GMDS: variants seen among roughly 807,000 people sequenced by gnomAD.
The protein encoded by GMDS is GDP-mannose 4,6-dehydratase, also known as GDP-mannose 4,6 dehydratase.
A neutral mutation model predicts 49.9 loss-of-function variants in GMDS; 20 were observed. The observed-to-expected ratio is 0.40, with a 90% confidence interval of 0.28 to 0.58. The LOEUF (loss-of-function observed/expected upper bound fraction) is 0.58. GMDS is among the 20% of genes least tolerant of loss of function. The pLI is 0.42. For synonymous variants in GMDS, 177 were observed against 178.6 expected (o/e 0.99, Z 0.07); for missense variants, 362 against 481.4 (o/e 0.75, Z 2.32).
intron 9 of GMDS, among the ~76,000 whole-genome samples, chr6:1,669,341 C>T (rs1764340306): frequency 6.6e-6 from 1 of 152,108 alleles, no homozygotes; most frequent in Non-Finnish European, 1.5e-5. Context: ...CTCCACTACT[C>T]TGAGTCTACA....
chr6:1,643,856 A>G (rs1763408760), intron 9 of GMDS, among the ~76,000 whole-genome samples: 3 of 152,040 alleles, frequency 2.0e-5, no homozygotes, highest in Non-Finnish European at 4.4e-5. Flanking sequence ...GTCTCTTCCC[A>G]GCTCCCCTCC....
At chr6:1,882,707 A>C (rs950129876) in intron 7 of GMDS, among the ~76,000 whole-genome samples, 1 of 152,240 alleles carries the variant, frequency 6.6e-6, no homozygotes, top group Non-Finnish European at 1.5e-5. Flanking sequence ...TGATTATCTA[A>C]TAAGCACTAA....
At chr6:1,657,175 T>G (rs977951158) in intron 9 of GMDS, among the ~76,000 whole-genome samples, 5 of 152,324 alleles carry the variant, frequency 3.3e-5, no homozygotes, top group Admixed American at 2.0e-4. Context: ...TTGATGCCAC[T>G]AGACTACTGA....
At chr6:1,943,303 T>G (rs1198765785) in intron 6 of GMDS, among the ~76,000 whole-genome samples, 1 of 152,196 alleles carries the variant, frequency 6.6e-6, no homozygotes, top group Non-Finnish European at 1.5e-5. Flanking sequence ...CCTCCCCTGG[T>G]GGGGGCTGTC....
chr6:2,196,997 A>T (rs1779300046), intron 1 of GMDS, among the ~76,000 whole-genome samples: 1 of 152,220 alleles, frequency 6.6e-6, no homozygotes, highest in African/African-American at 2.4e-5. Flanking sequence ...AAGCCTTTTA[A>T]CTAGTAAAAG....
intron 1 of GMDS, among the ~76,000 whole-genome samples, chr6:2,205,211 G>A (rs1779751183): frequency 6.6e-6 from 1 of 152,176 alleles, no homozygotes; most frequent in Non-Finnish European, 1.5e-5. Context: ...CAAGTTATCA[G>A]TGGATAGTTG....
chr6:2,143,949 G>A (rs1438657167), intron 1 of GMDS, among the ~76,000 whole-genome samples: 2 of 152,094 alleles, frequency 1.3e-5, no homozygotes, highest in African/African-American at 4.8e-5. Flanking sequence ...TTAGGAAGTG[G>A]TCCAAGGTTA....
chr6:1,964,913 C>T (rs956737667), intron 4 of GMDS, among the ~76,000 whole-genome samples: 1 of 152,090 alleles, frequency 6.6e-6, no homozygotes, highest in Non-Finnish European at 1.5e-5. Context: ...TGAATGAGAA[C>T]ATGTGGTGTT....
intron 1 of GMDS, among the ~76,000 whole-genome samples, chr6:2,231,724 A>G (rs1042006886): frequency 2.0e-5 from 3 of 152,178 alleles, no homozygotes; most frequent in African/African-American, 7.2e-5. Context: ...AGTAACTCCA[A>G]ATTCTTCCAG....
chr6:2,229,783 A>C (rs1780994364), intron 1 of GMDS, among the ~76,000 whole-genome samples: 1 of 152,230 alleles, frequency 6.6e-6, no homozygotes, highest in Non-Finnish European at 1.5e-5. Context: ...ATAGAAAACA[A>C]AAACTGTTGA....
At chr6:1,906,765 T>C (rs3800127) in intron 7 of GMDS, among the ~76,000 whole-genome samples, 5,058 of 152,138 alleles carry the variant, frequency 0.033, 333 homozygotes, top group East Asian at 0.3. Context: ...GAGTAGGAGC[T>C]CTCCCATCTG....
At chr6:1,848,576 C>T (rs1409982549) in intron 7 of GMDS, among the ~76,000 whole-genome samples, 1 of 152,196 alleles carries the variant, frequency 6.6e-6, no homozygotes, top group Non-Finnish European at 1.5e-5. Context: ...AAGTGACAAC[C>T]ATGTGCCCAG....
At chr6:1,887,946 TTTTTGTTTTG>T (rs915849512) in intron 7 of GMDS, among the ~76,000 whole-genome samples, 2 of 152,080 alleles carry the variant, frequency 1.3e-5, no homozygotes, top group East Asian at 1.9e-4. Context: ...TTTTTAGGTT[TTTTTGTTTTG>T]TTTTGTTTTG....
At chr6:2,215,636 A>G (rs796802486) in intron 1 of GMDS, among the ~76,000 whole-genome samples, 23 of 152,048 alleles carry the variant, frequency 1.5e-4, no homozygotes, top group African/African-American at 5.3e-4. Context: ...AGAGAGGGAG[A>G]AGAGAGAAAG....
intron 4 of GMDS, among the ~76,000 whole-genome samples, chr6:2,052,691 G>C (rs922345584): frequency 6.6e-6 from 1 of 152,204 alleles, no homozygotes; most frequent in Non-Finnish European, 1.5e-5. Context: ...CAAGACAATT[G>C]TAAGAATTCT....
At chr6:1,682,014 G>C (rs1180072720) in intron 9 of GMDS, among the ~76,000 whole-genome samples, 1 of 151,752 alleles carries the variant, frequency 6.6e-6, no homozygotes, top group Non-Finnish European at 1.5e-5. Flanking sequence ...TCTTAATATG[G>C]AAAGATATGA....
intron 7 of GMDS, among the ~76,000 whole-genome samples, chr6:1,867,420 GT>G (rs2113796263): frequency 6.6e-6 from 1 of 152,344 alleles, no homozygotes; most frequent in East Asian, 1.9e-4. Flanking sequence ...GTAGGATGAT[GT>G]CAGTCTGACA....
At chr6:2,212,933 T>C (rs1320420995) in intron 1 of GMDS, among the ~76,000 whole-genome samples, 1 of 152,180 alleles carries the variant, frequency 6.6e-6, no homozygotes, top group East Asian at 1.9e-4. Flanking sequence ...CACCTTTTCT[T>C]ATCATTTCTT....
intron 9 of GMDS, among the ~76,000 whole-genome samples, chr6:1,667,012 G>A (rs796214469): frequency 1.3e-4 from 20 of 152,338 alleles, no homozygotes; most frequent in African/African-American, 4.6e-4. Context: ...AACTCAGCGA[G>A]AAGAGCAATG....
Sources: gnomAD v4.1 joint callset for allele counts (sites outside exome capture counted in the v4.1 genomes callset) on GRCh38, gnomAD v4.1.1 for gene constraint, MANE v1.5 for transcripts, NCBI Gene and HGNC (gene_info 2026-07-23, HGNC 2026-07-21) for gene names.